LDLRAD4: variants seen among roughly 807,000 people sequenced by gnomAD.
The protein encoded by LDLRAD4 is low-density lipoprotein receptor class A domain-containing protein 4.
LDLRAD4 carries 5 observed loss-of-function variants against 17.0 expected under a neutral mutation model. The ratio of observed to expected loss-of-function variants is 0.29; its 90% CI spans 0.15 to 0.62. LDLRAD4 has a LOEUF of 0.62. Among genes scored for constraint, LDLRAD4 ranks in the 20% least tolerant of loss-of-function variants. The pLI, the probability that LDLRAD4 is intolerant of heterozygous loss-of-function variation, is 0.84. For synonymous variants in LDLRAD4, 168 were observed against 171.8 expected, an observed-to-expected ratio of 0.98 and a Z score of 0.17; for missense variants, 340 against 424.7, an observed-to-expected ratio of 0.80 and a Z score of 1.75.
chr18:13,325,341 A>T (rs1459392740), intron 1 of LDLRAD4, among the ~76,000 whole-genome samples: 2 of 152,188 alleles, frequency 1.3e-5, no homozygotes, highest in Non-Finnish European at 2.9e-5. Flanking sequence ...TCCCTCAAGG[A>T]AGACGCAGAG....
At chr18:13,421,477 A>G (rs2089445747) in intron 2 of LDLRAD4, among the ~76,000 whole-genome samples, 1 of 151,728 alleles carries the variant, frequency 6.6e-6, no homozygotes, top group African/African-American at 2.4e-5. Flanking sequence ...CTGAGTCCCC[A>G]CTTCCTCCTC....
chr18:13,469,074 G>A (rs1176632422), intron 3 of LDLRAD4, among the ~76,000 whole-genome samples: 3 of 151,978 alleles, frequency 2.0e-5, no homozygotes, highest in Non-Finnish European at 4.4e-5. Context: ...TGGGCAAAGG[G>A]CTTAAATAGA....
At chr18:13,504,649 A>C (rs1172662712) in intron 3 of LDLRAD4, among the ~76,000 whole-genome samples, 2 of 152,128 alleles carry the variant, frequency 1.3e-5, no homozygotes, top group Non-Finnish European at 2.9e-5. Flanking sequence ...GCTGGACCCA[A>C]ACTCCTCACC....
intron 1 of LDLRAD4, among the ~76,000 whole-genome samples, chr18:13,339,955 T>C (rs938795155): frequency 5.3e-5 from 8 of 152,168 alleles, no homozygotes; most frequent in African/African-American, 1.9e-4. Context: ...TTTTGCCCCC[T>C]CCTCAGCCCT....
chr18:13,217,956 G>C (rs2041248160), upstream of LDLRAD4: 1 of 149,244 alleles, frequency 6.7e-6, no homozygotes, highest in Non-Finnish European at 1.5e-5. The surrounding 1 kb of genome is among the most constrained non-coding windows in gnomAD (Gnocchi z 4.9). Flanking sequence ...AAGAACCCCG[G>C]CGCGCCGCGC....
intron 3 of LDLRAD4, among the ~76,000 whole-genome samples, chr18:13,544,595 G>A (rs902700194): frequency 6.6e-6 from 1 of 152,208 alleles, no homozygotes; most frequent in Admixed American, 6.5e-5. Flanking sequence ...ATGGGAAAGC[G>A]GAGTTCGTGT....
intron 1 of LDLRAD4, among the ~76,000 whole-genome samples, chr18:13,263,263 A>G (rs1259245947): frequency 1.5e-5 from 2 of 131,810 alleles, no homozygotes; most frequent in African/African-American, 2.9e-5. Flanking sequence ...TGGAAACCGA[A>G]TCCCATGCGG....
upstream of LDLRAD4, among the ~76,000 whole-genome samples, chr18:13,274,632 T>C (rs1166836977): frequency 4.6e-5 from 7 of 152,208 alleles, no homozygotes; most frequent in African/African-American, 1.7e-4. Flanking sequence ...GTCCTGAATG[T>C]AGATTTCAGG....
intron 3 of LDLRAD4, among the ~76,000 whole-genome samples, chr18:13,546,901 AG>A (rs2094373724): frequency 6.6e-6 from 1 of 152,222 alleles, no homozygotes; most frequent in Non-Finnish European, 1.5e-5. Context: ...TGGCTTGGAG[AG>A]GGGGTTTCAC....
intron 1 of LDLRAD4, among the ~76,000 whole-genome samples, chr18:13,244,897 C>T (rs2042880459): frequency 6.6e-6 from 1 of 152,160 alleles, no homozygotes; most frequent in Non-Finnish European, 1.5e-5. Context: ...GCATCATATG[C>T]CTCATTAGCA....
rs2084110614 is a variant in LDLRAD4 at position 13,367,110 on chromosome 18, TG to T, written c.-382-20228del. ...CATTTGCCCACAGCGAGATGCAAAC[TG>T]GGTGTCACACAGAACAGTCCTGTTG... On this transcript the variant is annotated intron_variant, in intron 1 of 5. Transcript: ENST00000359446. The surrounding 1 kb of genome is among the most constrained non-coding windows in gnomAD (Gnocchi z 4.1). 6.6e-6 allele frequency among the ~76,000 whole-genome samples: 1 copy of T among 152,190 alleles called. No individual in the cohort carries two copies. The highest frequency in any genetic ancestry group is 1.5e-5 in the Non-Finnish European group (1 of 68,044).
At chr18:13,648,893 C>G (rs1474423516) in exon 6 of LDLRAD4, 1 of 152,182 alleles carries the variant, frequency 6.6e-6, no homozygotes, top group Non-Finnish European at 1.5e-5. Flanking sequence ...CTCTAGCATT[C>G]TCTTTAAATA....
chr18:13,374,669 A>T (rs2084771157), intron 1 of LDLRAD4, among the ~76,000 whole-genome samples: 1 of 152,192 alleles, frequency 6.6e-6, no homozygotes, highest in African/African-American at 2.4e-5. Context: ...ACAGATAGTG[A>T]TTCAATTGGT....
intron 3 of LDLRAD4, among the ~76,000 whole-genome samples, chr18:13,583,429 G>C (rs1358170413): frequency 1.3e-5 from 2 of 151,980 alleles, no homozygotes; most frequent in African/African-American, 2.4e-5. Flanking sequence ...GGGACGTGGT[G>C]GTCACGGCAC....
At chr18:13,299,001 T>C (rs1172884678) in intron 1 of LDLRAD4, among the ~76,000 whole-genome samples, 2 of 152,248 alleles carry the variant, frequency 1.3e-5, no homozygotes, top group African/African-American at 4.8e-5. Context: ...CTTAGAGTCA[T>C]GATTTTACGT....
chr18:13,303,386 C>T (rs1037246772), intron 1 of LDLRAD4, among the ~76,000 whole-genome samples: 8 of 152,198 alleles, frequency 5.3e-5, no homozygotes, highest in Non-Finnish European at 1.2e-4. Flanking sequence ...GCTAGGACTA[C>T]AGGTGCATGC....
At chr18:13,616,322 A>G (rs538618557) in intron 3 of LDLRAD4, among the ~76,000 whole-genome samples, 1 of 152,046 alleles carries the variant, frequency 6.6e-6, no homozygotes, top group Non-Finnish European at 1.5e-5. Context: ...GGGCATCTCA[A>G]TGCAGGGCTC....
At chr18:13,229,758 C>G (rs2041980207) in intron 1 of LDLRAD4, among the ~76,000 whole-genome samples, 1 of 152,180 alleles carries the variant, frequency 6.6e-6, no homozygotes, top group Non-Finnish European at 1.5e-5. Context: ...TTATGGAGCA[C>G]TCAGGACGTC....
intron 1 of LDLRAD4, among the ~76,000 whole-genome samples, chr18:13,248,573 C>T (rs1339922175): frequency 6.6e-6 from 1 of 152,154 alleles, no homozygotes; most frequent in Non-Finnish European, 1.5e-5. Context: ...GTTAATAGCT[C>T]TTAGTGTTTT....
Sources: allele counts gnomAD v4.1 joint callset (sites outside exome capture counted in the v4.1 genomes callset), GRCh38; gene constraint gnomAD v4.1.1; non-coding constraint Gnocchi (gnomAD v3.1); transcripts MANE v1.5; gene names NCBI Gene and HGNC (gene_info 2026-07-23, HGNC 2026-07-21).